The following CNTNAP5 variants were observed in gnomAD, a reference collection of about 807,000 sequenced individuals.
The protein encoded by CNTNAP5 is contactin-associated protein-like 5.
In CNTNAP5, 72 loss-of-function variants were observed where a neutral mutation model predicts 150.2. That is an observed-to-expected ratio of 0.48 (90% CI 0.40 to 0.58). The LOEUF is 0.58. CNTNAP5 is among the 20% of genes least tolerant of loss of function. The pLI, the probability that CNTNAP5 is intolerant of heterozygous loss-of-function variation, is 0.00. For synonymous variants in CNTNAP5, 672 were observed against 619.8 expected, an observed-to-expected ratio of 1.08 and a Z score of -1.25; for missense variants, 1,636 against 1,626.2, an observed-to-expected ratio of 1.01 and a Z score of -0.10.
chr2:124,198,619 C>A (rs1685646972), intron 1 of CNTNAP5, among the ~76,000 whole-genome samples: 1 of 152,072 alleles, frequency 6.6e-6, no homozygotes, highest in Non-Finnish European at 1.5e-5. Context: ...ATCTTTTTGT[C>A]CACGTGTACC....
chr2:124,127,834 T>A (rs985357598), intron 1 of CNTNAP5, among the ~76,000 whole-genome samples: 6 of 152,186 alleles, frequency 3.9e-5, no homozygotes, highest in Non-Finnish European at 8.8e-5. Flanking sequence ...TAATAAATGT[T>A]GCTGGGAAAA....
chr2:124,115,127 A>G (rs935949897), intron 1 of CNTNAP5, among the ~76,000 whole-genome samples: 4 of 152,194 alleles, frequency 2.6e-5, no homozygotes, highest in Admixed American at 6.5e-5. Context: ...TTTACATATT[A>G]CTAGAATCAT....
At position 124,167,780 on chromosome 2, in the gene CNTNAP5, A is replaced by C. The variant is rs1684840890; in HGVS notation, c.83-53925A>C. Reference sequence around the variant, plus strand: ...CCAGGAAAGGTCACATATACAAAGAACTACCTTCCCCTTCCTGTGCTGATT... The same window carrying C: ...CCAGGAAAGGTCACATATACAAAGACCTACCTTCCCCTTCCTGTGCTGATT... On this transcript the variant is annotated intron_variant, in intron 1 of 23. Transcript: ENST00000682447. Among the ~76,000 whole-genome samples, 3 of 152,296 alleles carry C rather than the reference A, an allele frequency of 2.0e-5. 1 individual carries two copies. The South Asian group carries it at 6.2e-4, about 32-fold the overall frequency.
chr2:124,892,634 C>T (rs1678216978), intron 21 of CNTNAP5, among the ~76,000 whole-genome samples: 1 of 152,084 alleles, frequency 6.6e-6, no homozygotes, highest in South Asian at 2.1e-4. Context: ...TGGGCCAAGC[C>T]CTACAGGTGA....
intron 3 of CNTNAP5, among the ~76,000 whole-genome samples, chr2:124,368,450 A>T (rs924929407): frequency 6.6e-6 from 1 of 152,190 alleles, no homozygotes; most frequent in Non-Finnish European, 1.5e-5. Context: ...CCAAAATTAC[A>T]AATATGACCC....
intron 11 of CNTNAP5, among the ~76,000 whole-genome samples, chr2:124,599,418 C>T (rs1185935586): frequency 6.6e-6 from 1 of 151,844 alleles, no homozygotes; most frequent in African/African-American, 2.4e-5. Flanking sequence ...TAAACATTCC[C>T]TTGGCCATTA....
chr2:124,174,703 C>T (rs541309311), intron 1 of CNTNAP5, among the ~76,000 whole-genome samples: 36 of 152,238 alleles, frequency 2.4e-4, no homozygotes, highest in African/African-American at 7.9e-4. Flanking sequence ...GAAATGACAG[C>T]AAAGAATTTA....
rs144854539 is a variant in CNTNAP5, at chr2:124,270,038, G to A, written c.381+27645G>A. ...GTATAAATAAGCTATCATGGGGACC[G>A]GGTGTGGTGGCTCATGCCTGTAATC... is the stretch of plus-strand genomic sequence containing the variant. On this transcript the variant is annotated intron_variant, in intron 3 of 23. Transcript: ENST00000682447. 2.4e-3 allele frequency among the ~76,000 whole-genome samples: 369 copies of A among 152,194 alleles called. 4 individuals are homozygous for A. Among genetic ancestry groups the A allele is most frequent in the African/African-American group, 8.0e-3 (334 of 41,554 alleles).
chr2:124,202,508 C>T (rs1462954429), intron 1 of CNTNAP5, among the ~76,000 whole-genome samples: 2 of 152,120 alleles, frequency 1.3e-5, no homozygotes, highest in African/African-American at 4.8e-5. Flanking sequence ...GAGAGCAGGA[C>T]GGGGCCAACT....
intron 21 of CNTNAP5, among the ~76,000 whole-genome samples, chr2:124,881,927 A>G (rs574831454): frequency 3.3e-5 from 5 of 152,074 alleles, no homozygotes; most frequent in South Asian, 2.1e-4. Flanking sequence ...CATGTTTTCA[A>G]TTCAAGGGGG....
intron 4 of CNTNAP5, among the ~76,000 whole-genome samples, chr2:124,423,813 C>T (rs566513190): frequency 6.2e-5 from 9 of 145,736 alleles, no homozygotes; most frequent in South Asian, 2.2e-4. Context: ...TACAGGCGCC[C>T]GCTACCACGC....
At chr2:124,419,153 A>AAAAAAAAAAAAAAAAAAAAAAC (rs1553466545) in intron 4 of CNTNAP5, among the ~76,000 whole-genome samples, 100 of 76,402 alleles carry the variant, frequency 1.3e-3, no homozygotes, top group East Asian at 3.0e-3. Context: ...AAAAAAAAAA[A>AAAAAAAAAAAAAAAAAAAAAAC]AAAAAAAAAA....
chr2:124,230,538 T>A (rs1686589996), intron 2 of CNTNAP5, among the ~76,000 whole-genome samples: 1 of 143,800 alleles, frequency 7.0e-6, no homozygotes, highest in Admixed American at 6.8e-5. Context: ...AAATTATTAT[T>A]TTTTTTTTCT....
At chr2:124,305,111 C>CAAAAAAAAAAAAAA (rs57896748) in intron 3 of CNTNAP5, among the ~76,000 whole-genome samples, 6 of 86,352 alleles carry the variant, frequency 6.9e-5, no homozygotes, top group East Asian at 7.8e-4. Flanking sequence ...ACAAAAAATA[C>CAAAAAAAAAAAAAA]AAAAAAAAAA....
chr2:124,366,535 G>A (rs1165898192), intron 3 of CNTNAP5, among the ~76,000 whole-genome samples: 1 of 152,136 alleles, frequency 6.6e-6, no homozygotes, highest in Non-Finnish European at 1.5e-5. Context: ...TACCAAGTCT[G>A]TGTCCTCAGG....
chr2:124,719,096 A>G (rs149636963), intron 13 of CNTNAP5, among the ~76,000 whole-genome samples: 4 of 152,288 alleles, frequency 2.6e-5, no homozygotes, highest in Non-Finnish European at 5.9e-5. Flanking sequence ...ATCAAAGTAT[A>G]AGTAGTCTGT....
At chr2:124,397,268 C>T (rs957824570) in intron 3 of CNTNAP5, among the ~76,000 whole-genome samples, 1 of 152,114 alleles carries the variant, frequency 6.6e-6, no homozygotes, top group Admixed American at 6.5e-5. Flanking sequence ...ACTTAAACAA[C>T]AGAAATTTAT....
chr2:124,524,355 G>A lies in CNTNAP5; in HGVS notation c.1380G>A (p.Arg460=), dbSNP rs866981965. The A allele has an allele frequency of 9.3e-6, 15 of 1,613,750 alleles. No homozygotes were observed. In the Admixed American group the frequency reaches 2.0e-4, roughly 22 times the overall value. Residue 460 remains arginine, a synonymous_variant, in exon 9 of 24, where the codon AGG becomes AGA. Transcript: ENST00000682447. The part of the protein sequence containing the change: ...LWHSVSINAR[R]NRITLTLDDE... ...ACTCGGTTAGCATCAACGCCAGGAG[G>A]AACCGCATCACGCTCACTCTGGATG...
At chr2:124,598,849 CG>C (rs745703002) in intron 11 of CNTNAP5, among the ~76,000 whole-genome samples, 1 of 152,156 alleles carries the variant, frequency 6.6e-6, no homozygotes, top group Non-Finnish European at 1.5e-5. Flanking sequence ...TCTTGTGGTG[CG>C]CCGTTTTTTA....
Sources: allele counts gnomAD v4.1 joint callset (sites outside exome capture counted in the v4.1 genomes callset), GRCh38; gene constraint gnomAD v4.1.1; transcripts MANE v1.5; gene names NCBI Gene and HGNC (gene_info 2026-07-23, HGNC 2026-07-21).